The following C2orf42 variants were observed in gnomAD, a reference collection of about 807,000 sequenced individuals.
C2orf42 encodes the protein uncharacterized protein C2orf42.
A neutral mutation model predicts 58.9 loss-of-function variants in C2orf42; 44 were observed. The observed-to-expected ratio is 0.75, with a 90% CI of 0.59 to 0.96. The LOEUF (loss-of-function observed/expected upper bound fraction) is 0.96. Ranked by LOEUF, C2orf42 falls within the 40% of genes least tolerant of loss-of-function variation. The probability of loss-of-function intolerance (pLI) is 0.00; values close to 1 mark genes in which losing one functional copy is unlikely to be tolerated. For synonymous variants in C2orf42, 239 were observed against 265.4 expected (o/e 0.90, Z 0.97); for missense variants, 630 against 699.2 (o/e 0.90, Z 1.12).
At chr2:70,161,973 T>C (rs1449174493) in intron 8 of C2orf42, among the ~76,000 whole-genome samples, 1 of 151,892 alleles carries the variant, frequency 6.6e-6, no homozygotes, top group Non-Finnish European at 1.5e-5. Context: ...TTCTTAGTGG[T>C]TGGGACTATA....
intron 6 of C2orf42, among the ~76,000 whole-genome samples, chr2:70,167,972 C>A (rs920295954): frequency 2.0e-5 from 3 of 151,926 alleles, no homozygotes; most frequent in African/African-American, 7.2e-5. Flanking sequence ...GTGGTTCACG[C>A]CTGTAATCCC....
At chr2:70,174,389 A>G (rs897507151) in intron 5 of C2orf42, among the ~76,000 whole-genome samples, 7 of 152,214 alleles carry the variant, frequency 4.6e-5, no homozygotes, top group Admixed American at 2.6e-4. Context: ...TGTAAGAAAT[A>G]TAAGGCTTCT....
chr2:70,178,946 A>G (rs1235178063), intron 4 of C2orf42, among the ~76,000 whole-genome samples: 1 of 151,748 alleles, frequency 6.6e-6, no homozygotes, highest in African/African-American at 2.4e-5. Context: ...AAAGAAAAAA[A>G]TGTGTGTGTG....
At chr2:70,166,226 C>A (rs1263026452) in intron 6 of C2orf42, among the ~76,000 whole-genome samples, 1 of 151,220 alleles carries the variant, frequency 6.6e-6, no homozygotes, top group Non-Finnish European at 1.5e-5. Context: ...TGGTGGTATG[C>A]ACCTGCTGTC....
chr2:70,172,996 C>T (rs1204374943), intron 5 of C2orf42, among the ~76,000 whole-genome samples: 3 of 151,954 alleles, frequency 2.0e-5, no homozygotes. Flanking sequence ...AACCCCATCT[C>T]TACCAAAAAT....
At chr2:70,171,470 G>A (rs1473207590) in intron 5 of C2orf42, among the ~76,000 whole-genome samples, 1 of 152,064 alleles carries the variant, frequency 6.6e-6, no homozygotes, top group Non-Finnish European at 1.5e-5. Flanking sequence ...AATACCTTTA[G>A]ACTTAAAACC....
In C2orf42 at chr2:70,160,778, C is replaced by T; in HGVS notation, c.1363G>A (p.Glu455Lys). ...QILDTPEMPL[E>K]ITRSFIQNRD... is the part of the protein sequence containing the mutation. Reference sequence around the variant, plus strand: ...TTCTGGATAAAGCTACGGGTGATTTCCAAGGGCATCTGGACACCAAGACAA... The same window carrying T: ...TTCTGGATAAAGCTACGGGTGATTTTCAAGGGCATCTGGACACCAAGACAA... The change falls in exon 9 of 10, where the codon GAA (glutamate) becomes AAA (lysine). Residue 455 changes from glutamate to lysine, a missense_variant. Transcript: ENST00000264434. The T allele has an allele frequency of 1.3e-6, 2 of 1,594,080 alleles. No individual in the cohort carries two copies. Among genetic ancestry groups the T allele is most frequent in the Non-Finnish European group, 1.7e-6 (2 of 1,173,544 alleles).
At chr2:70,175,537 G>A in intron 5 of C2orf42, 136 bp downstream of exon 5, 3 of 698,034 alleles carry the variant, frequency 4.3e-6, no homozygotes, top group East Asian at 2.5e-5. Flanking sequence ...TGGGACAGGA[G>A]GGACCTCAGC....
At chr2:70,168,400 G>A (rs2104903122) in intron 6 of C2orf42, among the ~76,000 whole-genome samples, 1 of 135,572 alleles carries the variant, frequency 7.4e-6, no homozygotes, top group African/African-American at 2.7e-5. Flanking sequence ...CCATTCTCCT[G>A]CCTCAGCCTC....
intron 8 of C2orf42, among the ~76,000 whole-genome samples, chr2:70,161,255 A>G (rs1673032717): frequency 6.6e-6 from 1 of 152,208 alleles, no homozygotes; most frequent in Non-Finnish European, 1.5e-5. Flanking sequence ...AGAGCAAATT[A>G]CAAACTTCTC....
chr2:70,169,911 A>G (rs1490346022), intron 5 of C2orf42, among the ~76,000 whole-genome samples: 1 of 151,154 alleles, frequency 6.6e-6, no homozygotes, highest in East Asian at 2.0e-4. Context: ...GGCACCCGCC[A>G]CCACACCCGG....
At chr2:70,157,738 A>G (rs989855379) in intron 9 of C2orf42, among the ~76,000 whole-genome samples, 6 of 152,194 alleles carry the variant, frequency 3.9e-5, no homozygotes, top group African/African-American at 1.4e-4. Context: ...CGGAGGTTGC[A>G]GTGAGCCGAG....
At chr2:70,164,537 C>A (rs1673274722) in intron 8 of C2orf42, among the ~76,000 whole-genome samples, 1 of 151,878 alleles carries the variant, frequency 6.6e-6, no homozygotes, top group African/African-American at 2.4e-5. Context: ...GGGGCTGAGG[C>A]AAGGGAATTG....
chr2:70,171,960 CGCCTGTAATCCCA>C (rs1303571160), intron 5 of C2orf42, among the ~76,000 whole-genome samples: 2 of 151,696 alleles, frequency 1.3e-5, no homozygotes, highest in African/African-American at 2.4e-5. Context: ...CAGTGGCTCA[CGCCTGTAATCCCA>C]GCACTTTGGG....
chr2:70,188,239 G>A (rs559357540), intron 1 of C2orf42, among the ~76,000 whole-genome samples: 53 of 152,006 alleles, frequency 3.5e-4, no homozygotes, highest in Middle Eastern at 3.4e-3. Context: ...CCAGGCTGGA[G>A]TGCAGTGGCG....
chr2:70,157,096 GAAGCAAATGGTAA>G (rs1672721277), intron 9 of C2orf42, among the ~76,000 whole-genome samples: 1 of 152,112 alleles, frequency 6.6e-6, no homozygotes, highest in African/African-American at 2.4e-5. Context: ...CATAATTTTA[GAAGCAAATGGTAA>G]AATGACTCTT....
intron 1 of C2orf42, chr2:70,190,614 A>T (rs62151197): frequency 1.3e-5 from 2 of 152,152 alleles, no homozygotes; most frequent in Non-Finnish European, 1.5e-5. Context: ...TCAGCCCTCA[A>T]CGGCCTCGGA....
Position 70,165,655 on chromosome 2 carries a change from A to T in C2orf42, c.1145-20T>A. ...GTTTGCCTATGGGAAACAAGAAGAAACAACTCATTTAAAGAAACTCAGTGG... is the reference window on the plus strand; with the variant it reads ...GTTTGCCTATGGGAAACAAGAAGAATCAACTCATTTAAAGAAACTCAGTGG... On this transcript the variant is annotated intron_variant, in intron 6 of 9. Transcript: ENST00000264434. 1 of 1,367,894 alleles carries T rather than the reference A, an allele frequency of 7.3e-7. No individual in the cohort carries two copies. Among genetic ancestry groups the T allele is most frequent in the Non-Finnish European group, 1.0e-6 (1 of 957,678 alleles). 84.7% of individuals were successfully genotyped at this position (1,367,894 alleles called of 1,614,324 possible). A position where few individuals can be genotyped will look rare whatever the true frequency, so the allele number is the denominator to read the frequency against.
At position 70,181,173 on chromosome 2, in the gene C2orf42, A is replaced by C. The variant is rs1319204646; in HGVS notation, c.813T>G (p.Phe271Leu). The C allele has an allele frequency of 1.3e-6, 2 of 1,556,998 alleles. No individual in the cohort carries two copies. The highest frequency in any genetic ancestry group is 1.7e-6 in the Non-Finnish European group (2 of 1,147,930). ...LAQEFSDFLN[F>L]DSSGLKEIIV... Reference sequence around the variant, plus strand: ...AACCATACCACCTACCGCTGGAATCAAAATTTAGGAAGTCTGAGAATTCCT... The same window carrying C: ...AACCATACCACCTACCGCTGGAATCCAAATTTAGGAAGTCTGAGAATTCCT... The change falls in exon 3 of 10, where the codon TTT becomes TTG. Residue 271 changes from phenylalanine (F) to leucine (L), a missense_variant. Physicochemically the swap from Phe to Leu is conservative, Grantham distance 22 (BLOSUM62 0). Transcript: ENST00000264434.
Sources: gnomAD v4.1 joint callset for allele counts (sites outside exome capture counted in the v4.1 genomes callset) on GRCh38, gnomAD v4.1.1 for gene constraint, MANE v1.5 for transcripts, NCBI Gene and HGNC (gene_info 2026-07-23, HGNC 2026-07-21) for gene names.